Variants in LRSAM1 observed in about 807,000 individuals in gnomAD.
LRSAM1 encodes the protein E3 ubiquitin-protein ligase LRSAM1.
Under a neutral mutation model 118.1 loss-of-function variants are expected in LRSAM1, and 96 were observed. The observed-to-expected ratio is 0.81, with a 90% CI of 0.69 to 0.96. LRSAM1 has a LOEUF of 0.96. Among genes scored for constraint, LRSAM1 ranks in the 40% least tolerant of loss-of-function variants. The pLI is 0.00. For synonymous variants in LRSAM1, 322 were observed against 364.2 expected, an observed-to-expected ratio of 0.88 and a Z score of 1.32; for missense variants, 804 against 915.5, an observed-to-expected ratio of 0.88 and a Z score of 1.57.
intron 16 of LRSAM1, among the ~76,000 whole-genome samples, chr9:127,484,034 T>C (rs895375974): frequency 6.6e-6 from 1 of 152,152 alleles, no homozygotes; most frequent in African/African-American, 2.4e-5. Flanking sequence ...GCCAGAACTT[T>C]TTCATCTTCC....
At chr9:127,489,303 T>G (rs1588130301) in intron 18 of LRSAM1, 141 bp from the exon 19 acceptor site, 1 of 971,916 alleles carries the variant, frequency 1.0e-6, no homozygotes, top group East Asian at 2.6e-5. Context: ...TTTACACAAG[T>G]GAGGTGAAAT....
At chr9:127,475,897 T>C (rs1564266779) in intron 11 of LRSAM1, among the ~76,000 whole-genome samples, 1 of 152,038 alleles carries the variant, frequency 6.6e-6, no homozygotes, top group Non-Finnish European at 1.5e-5. Flanking sequence ...TGCGCCACCA[T>C]GCCCGGCTAA....
At chr9:127,495,512 A>G (rs1459412875) in intron 22 of LRSAM1, 94 bp downstream of exon 22, 1 of 1,044,552 alleles carries the variant, frequency 9.6e-7, no homozygotes, top group East Asian at 2.5e-5. Context: ...GCCTCTTGTT[A>G]CTTTTCTGGT....
At chr9:127,458,242 C>A (rs1026713515) in intron 6 of LRSAM1, among the ~76,000 whole-genome samples, 1 of 151,970 alleles carries the variant, frequency 6.6e-6, no homozygotes, top group Non-Finnish European at 1.5e-5. Context: ...ATTAGCCGGG[C>A]GCGGTGGCGG....
At chr9:127,491,338 AC>A in intron 20 of LRSAM1, 43 bp downstream of exon 20, 1 of 1,509,002 alleles carries the variant, frequency 6.6e-7, no homozygotes, top group Non-Finnish European at 9.2e-7. Flanking sequence ...ACGTGGTGAG[AC>A]CCCCACCTGG....
At chr9:127,483,131 C>T (rs551914141) in intron 16 of LRSAM1, 111 bp downstream of exon 16, 13 of 995,944 alleles carry the variant, frequency 1.3e-5, no homozygotes, top group Admixed American at 6.0e-5. Context: ...TGTTAGCCCT[C>T]GAGAGGGGCA....
chr9:127,487,755 C>T lies in LRSAM1; in HGVS notation c.1339C>T (p.Leu447=). Residue 447 remains leucine, a synonymous_variant, in exon 18 of 26, where the codon CTG becomes TTG. Transcript: ENST00000300417. ...TCAGAACAAAGCCATCAGCCAGATC[C>T]TGCAGGAGGTGAGCCCTCGCCCAGA... ...MDQNKAISQI[L]QESAMQKAAF... 6.2e-7 allele frequency: 1 copy of T among 1,612,762 alleles called. No individual in the cohort carries two copies. Among genetic ancestry groups the T allele is most frequent in the Non-Finnish European group, 8.5e-7 (1 of 1,179,396 alleles).
chr9:127,486,338 T>A (rs1271491442), intron 17 of LRSAM1: 2 of 183,022 alleles, frequency 1.1e-5, no homozygotes, highest in African/African-American at 4.7e-5. Context: ...AAGGGGTTGC[T>A]TTCATGCTGA....
chr9:127,499,931 AAAAG>A (rs1836312687), intron 24 of LRSAM1, among the ~76,000 whole-genome samples: 1 of 152,154 alleles, frequency 6.6e-6, no homozygotes, highest in East Asian at 1.9e-4. Flanking sequence ...CTCAAAAAAA[AAAAG>A]AAAAACTTTA....
chr9:127,488,159 C>T (rs1249553903), intron 18 of LRSAM1, among the ~76,000 whole-genome samples: 3 of 152,202 alleles, frequency 2.0e-5, no homozygotes, highest in South Asian at 2.1e-4. Context: ...GCTCTTCCAT[C>T]TCTGCGGTGC....
chr9:127,479,009 A>T, intron 12 of LRSAM1, 46 bp downstream of exon 12: 1 of 1,565,864 alleles, frequency 6.4e-7, no homozygotes, highest in Admixed American at 1.7e-5. Flanking sequence ...CTCATTAAAG[A>T]TCTCAACTCA....
Position 127,497,275 on chromosome 9 carries a change from T to C in LRSAM1, c.1853T>C (p.Leu618Pro). 1 of 1,613,226 alleles carries C rather than the reference T, an allele frequency of 6.2e-7. No individual in the cohort carries two copies. Among genetic ancestry groups the C allele is most frequent in the Non-Finnish European group, 8.5e-7 (1 of 1,179,978 alleles). ...CAGGTGGGCGTCTCAGAAGCTGGCC[T>C]GCAGCACGAGATCCTCCGGAGAGTC... ...LAKVGVSEAG[L>P]QHEILRRVQE... Residue 618 changes from leucine (L) to proline (P), a missense_variant, in exon 24 of 26, where the codon CTG (leucine) becomes CCG (proline). By Grantham distance (98) the Leu-to-Pro change is moderately conservative. Transcript: ENST00000300417.
At chr9:127,496,197 T>C in intron 23 of LRSAM1, 102 bp downstream of exon 23, 1 of 1,516,416 alleles carries the variant, frequency 6.6e-7, no homozygotes, top group Non-Finnish European at 8.9e-7. Flanking sequence ...TTGAGGCCTG[T>C]CCTTACCTAA....
chr9:127,482,482 G>T (rs1044802729), intron 15 of LRSAM1, among the ~76,000 whole-genome samples: 3 of 152,066 alleles, frequency 2.0e-5, no homozygotes, highest in African/African-American at 7.2e-5. Context: ...AGGACATTTT[G>T]CTAGGTGCCA....
At chr9:127,466,951 C>G (rs77464345) in intron 9 of LRSAM1, among the ~76,000 whole-genome samples, 1 of 152,040 alleles carries the variant, frequency 6.6e-6, no homozygotes, top group Non-Finnish European at 1.5e-5. Context: ...CTGCAGTGTT[C>G]GTGCCACTGC....
Position 127,454,464 on chromosome 9 carries a change from C to G in LRSAM1, c.-32-32C>G. ...CGGGTGTTGGGGGCTGTGACAAATT[C>G]CCCAGTCCCTAACTTCTCTCCTGTG... On this transcript the variant is annotated intron_variant, in intron 2 of 25. Transcript: ENST00000300417. The G allele has an allele frequency of 3.2e-6, 5 of 1,563,126 alleles. No individual in the cohort carries two copies. In the South Asian group the frequency reaches 5.6e-5, roughly 18 times the overall value.
At chr9:127,471,516 G>A (rs937285480) in intron 10 of LRSAM1, among the ~76,000 whole-genome samples, 1 of 150,072 alleles carries the variant, frequency 6.7e-6, no homozygotes, top group Admixed American at 6.7e-5. Context: ...GCTGGGCGCG[G>A]TGGCTCACGC....
rs772047683 is a variant in LRSAM1, at chr9:127,473,789, C to T, written c.620-12C>T. 1.3e-5 allele frequency: 21 copies of T among 1,613,982 alleles called. No individual in the cohort carries two copies. The South Asian group carries it at 1.5e-4, about 12-fold the overall frequency. On this transcript the variant is annotated splice_polypyrimidine_tract_variant and intron_variant, in intron 10 of 25. Coordinates refer to ENST00000300417, the MANE Select transcript of LRSAM1 (RefSeq NM_001005373.4). Reference sequence around the variant, plus strand: ...CCTCCCTCCTGGTCAGCTTGTGTCCCGTCTCTTACAGAGTCAGGGCTGGAA... The same window carrying T: ...CCTCCCTCCTGGTCAGCTTGTGTCCTGTCTCTTACAGAGTCAGGGCTGGAA...
chr9:127,457,936 G>T (rs182733271), intron 6 of LRSAM1, among the ~76,000 whole-genome samples: 1 of 151,538 alleles, frequency 6.6e-6, no homozygotes, highest in Admixed American at 6.6e-5. Context: ...CAAGAGAAAA[G>T]CCTGTATGTG....
Sources: allele counts gnomAD v4.1 joint callset (sites outside exome capture counted in the v4.1 genomes callset), GRCh38; gene constraint gnomAD v4.1.1; transcripts MANE v1.5; gene names NCBI Gene and HGNC (gene_info 2026-07-23, HGNC 2026-07-21).